SNTG1: variants seen among roughly 807,000 people sequenced by gnomAD.
The protein encoded by SNTG1 is gamma-1-syntrophin.
Under a neutral mutation model 74.7 loss-of-function variants are expected in SNTG1, and 39 were observed. The observed-to-expected ratio is 0.52, with a 90% CI of 0.40 to 0.68. The LOEUF is 0.68. SNTG1 is among the 30% of genes least tolerant of loss of function. The pLI, the probability that SNTG1 is intolerant of heterozygous loss-of-function variation, is 0.00. For missense variants in SNTG1, 685 were observed against 609.5 expected (o/e 1.12, Z -1.30); for synonymous variants, 254 against 217.1 (o/e 1.17, Z -1.49).
At chr8:50,202,783 T>C (rs2084037755) in intron 2 of SNTG1, among the ~76,000 whole-genome samples, 1 of 148,056 alleles carries the variant, frequency 6.8e-6, no homozygotes, top group African/African-American at 2.6e-5. Flanking sequence ...TTCAAGACTT[T>C]CTCTTTGTTT....
chr8:50,261,402 A>G (rs2130104924), intron 2 of SNTG1, among the ~76,000 whole-genome samples: 1 of 152,304 alleles, frequency 6.6e-6, no homozygotes, highest in African/African-American at 2.4e-5. Context: ...AATGAATGTT[A>G]GTTCTTCGAA....
At chr8:50,392,590 C>T (rs2092676473) in intron 2 of SNTG1, among the ~76,000 whole-genome samples, 1 of 152,118 alleles carries the variant, frequency 6.6e-6, no homozygotes. Flanking sequence ...CTAGTAGAAC[C>T]TGAGGAACTC....
In SNTG1 at chr8:50,652,945, G is replaced by C. The variant is rs185372854; in HGVS notation, c.850-3964G>C. On this transcript the variant is annotated intron_variant, in intron 13 of 18. Coordinates refer to ENST00000642720, the MANE Select transcript of SNTG1 (RefSeq NM_018967.5). ...CTTTTTATTTCTAGAAATAATGTTT[G>C]CCTTAGATCTACGTTTTCTAATACC... Among the ~76,000 whole-genome samples, 74 of 151,722 alleles carry C rather than the reference G, an allele frequency of 4.9e-4. 1 individual carries two copies. The highest frequency in any genetic ancestry group is 6.2e-4 in the South Asian group (3 of 4,810).
chr8:50,502,674 G>A, intron 8 of SNTG1, 104 bp from the exon 9 acceptor site: 1 of 870,488 alleles, frequency 1.1e-6, no homozygotes, highest in South Asian at 1.9e-5. Context: ...TGAATACTAG[G>A]GAAAAATGGA....
chr8:50,272,579 G>A (rs1002690996), intron 2 of SNTG1, among the ~76,000 whole-genome samples: 28 of 152,112 alleles, frequency 1.8e-4, no homozygotes, highest in Non-Finnish European at 1.5e-4. Flanking sequence ...GATGGTTCTT[G>A]TTCTCTTTGG....
In SNTG1 at chr8:50,374,730, A is replaced by T. The variant is rs2092340529; in HGVS notation, c.-27-19482A>T. Reference sequence around the variant, plus strand: ...CCCAAATCAATGTGAACTGCTCAGCATTTATGTGTTTTTCATATTTGGCTT... The same window carrying T: ...CCCAAATCAATGTGAACTGCTCAGCTTTTATGTGTTTTTCATATTTGGCTT... On this transcript the variant is annotated intron_variant, in intron 2 of 18. Transcript: ENST00000642720. 2.0e-5 allele frequency among the ~76,000 whole-genome samples: 3 copies of T among 152,182 alleles called. No individual in the cohort carries two copies. In the South Asian group the frequency reaches 6.2e-4, roughly 31 times the overall value.
chr8:50,350,067 G>T (rs977959248), intron 2 of SNTG1, among the ~76,000 whole-genome samples: 2 of 152,194 alleles, frequency 1.3e-5, no homozygotes, highest in Admixed American at 1.3e-4. Context: ...CTGGCCAGCG[G>T]CTGCAGAGGG....
At chr8:50,303,534 T>G (rs2089743965) in intron 2 of SNTG1, among the ~76,000 whole-genome samples, 2 of 152,048 alleles carry the variant, frequency 1.3e-5, no homozygotes, top group Non-Finnish European at 2.9e-5. Context: ...TAAAACTACC[T>G]AACCTATATA....
At chr8:50,684,273 A>G (rs2095342843) in intron 15 of SNTG1, among the ~76,000 whole-genome samples, 1 of 152,182 alleles carries the variant, frequency 6.6e-6, no homozygotes, top group Non-Finnish European at 1.5e-5. Context: ...GTTTTTTATT[A>G]TGATACAATT....
At chr8:49,952,261 GAC>G (rs1453791316) in intron 1 of SNTG1, among the ~76,000 whole-genome samples, 3 of 152,186 alleles carry the variant, frequency 2.0e-5, no homozygotes, top group Admixed American at 2.0e-4. Context: ...AAAGACAGTA[GAC>G]AGATTATGAG....
intron 9 of SNTG1, among the ~76,000 whole-genome samples, chr8:50,510,618 T>C (rs2094061405): frequency 1.3e-5 from 2 of 152,194 alleles, no homozygotes; most frequent in Non-Finnish European, 2.9e-5. Context: ...ATTAAGAGAT[T>C]CAACTTCTTC....
At chr8:50,453,771 C>T (rs954725456) in intron 8 of SNTG1, among the ~76,000 whole-genome samples, 1 of 152,202 alleles carries the variant, frequency 6.6e-6, no homozygotes, top group Non-Finnish European at 1.5e-5. Context: ...ATTCCCCCTC[C>T]GTGGGCACTG....
At chr8:50,736,559 C>T (rs2095529376) in intron 17 of SNTG1, among the ~76,000 whole-genome samples, 1 of 152,038 alleles carries the variant, frequency 6.6e-6, no homozygotes, top group South Asian at 2.1e-4. Context: ...CTTGGATCAG[C>T]TCTGGACCAA....
At chr8:50,466,467 G>T (rs941981833) in intron 8 of SNTG1, among the ~76,000 whole-genome samples, 1 of 151,878 alleles carries the variant, frequency 6.6e-6, no homozygotes, top group African/African-American at 2.4e-5. Flanking sequence ...TCTTCAAATT[G>T]GGAAACATGA....
intron 1 of SNTG1, among the ~76,000 whole-genome samples, chr8:50,111,320 G>A (rs952862179): frequency 2.6e-5 from 4 of 152,120 alleles, no homozygotes; most frequent in Non-Finnish European, 4.4e-5. Context: ...GGTAGTTTAC[G>A]TTGAAGGACG....
chr8:50,656,832 T>C, intron 13 of SNTG1, 77 bp from the exon 14 acceptor site: 1 of 908,470 alleles, frequency 1.1e-6, no homozygotes, highest in Non-Finnish European at 1.7e-6. Context: ...TTTTAATATT[T>C]GCATCTAAAT....
In SNTG1 at chr8:50,708,667, G is replaced by A. The variant is rs943041785; in HGVS notation, c.1192-219G>A. 29 of 513,102 alleles carry A rather than the reference G, an allele frequency of 5.7e-5. 1 individual carries two copies. Among genetic ancestry groups the A allele is most frequent in the Middle Eastern group, 5.2e-4 (1 of 1,920 alleles). 31.8% of individuals were successfully genotyped at this position (513,102 alleles called of 1,614,324 possible). ...CTAGAGGGAGCAGGATTGGAAACTC[G>A]GCGGGGCATACACCTTGGCAAGTTA... On this transcript the variant is annotated intron_variant, in intron 16 of 18. Coordinates refer to ENST00000642720, the MANE Select transcript of SNTG1 (RefSeq NM_018967.5).
intron 1 of SNTG1, among the ~76,000 whole-genome samples, chr8:50,086,386 C>G (rs1822888874): frequency 6.6e-6 from 1 of 152,008 alleles, no homozygotes. Flanking sequence ...GGATTATGGA[C>G]TGAATTAATT....
At chr8:50,020,848 A>G (rs1021354433) in intron 1 of SNTG1, among the ~76,000 whole-genome samples, 3 of 152,178 alleles carry the variant, frequency 2.0e-5, no homozygotes, top group African/African-American at 4.8e-5. Flanking sequence ...TATGTAGTTG[A>G]TATGCCCATG....
Sources: allele counts gnomAD v4.1 joint callset (sites outside exome capture counted in the v4.1 genomes callset), GRCh38; gene constraint gnomAD v4.1.1; transcripts MANE v1.5; gene names NCBI Gene and HGNC (gene_info 2026-07-23, HGNC 2026-07-21).